HS3ST3B1: variants seen among roughly 807,000 people sequenced by gnomAD.
The protein encoded by HS3ST3B1 is heparan sulfate glucosamine 3-O-sulfotransferase 3B1.
A neutral mutation model predicts 21.3 loss-of-function variants in HS3ST3B1; 13 were observed. That is an observed-to-expected ratio of 0.61 (90% CI 0.40 to 0.97). The LOEUF is 0.97. HS3ST3B1 is among the 50% of genes least tolerant of loss of function. HS3ST3B1 has a pLI of 0.00. For missense variants in HS3ST3B1, 459 were observed against 554.8 expected, an observed-to-expected ratio of 0.83 and a Z score of 1.73; for synonymous variants, 234 against 254.8, an observed-to-expected ratio of 0.92 and a Z score of 0.78.
intron 1 of HS3ST3B1, among the ~76,000 whole-genome samples, chr17:14,334,213 C>G (rs1049291739): frequency 6.6e-6 from 1 of 151,160 alleles, no homozygotes; most frequent in Non-Finnish European, 1.5e-5. Context: ...TTTGGGGGAG[C>G]CTGAGTCGTT....
chr17:14,336,948 G>A (rs1049864992), intron 1 of HS3ST3B1, among the ~76,000 whole-genome samples: 1 of 152,086 alleles, frequency 6.6e-6, no homozygotes, highest in African/African-American at 2.4e-5. Flanking sequence ...TCTTGCTGGT[G>A]GGGACTCTGT....
At position 14,311,090 on chromosome 17, in the gene HS3ST3B1, A is replaced by ATT. The variant is rs5819468; in HGVS notation, c.554+9029_554+9030dup. Among the ~76,000 whole-genome samples the ATT allele has an allele frequency of 1.3e-3, 198 of 148,402 alleles. 1 individual carries two copies. The highest frequency in any genetic ancestry group is 2.8e-3 in the East Asian group (14 of 5,066). On this transcript the variant is annotated intron_variant, in intron 1 of 1. Coordinates refer to ENST00000360954, the MANE Select transcript of HS3ST3B1 (RefSeq NM_006041.3). Reference sequence around the variant, plus strand: ...TTACTTTTTCATTCATCTAACAAGGATTTTTTTTTTTTAAGACAGGGTCTT... The same window carrying ATT: ...TTACTTTTTCATTCATCTAACAAGGATTTTTTTTTTTTTTAAGACAGGGTCTT...
chr17:14,315,333 C>G (rs1336538266), intron 1 of HS3ST3B1, among the ~76,000 whole-genome samples: 1 of 152,238 alleles, frequency 6.6e-6, no homozygotes, highest in Non-Finnish European at 1.5e-5. Context: ...CGTGTGCCTC[C>G]TGCCATACAA....
At chr17:14,333,316 A>T (rs1910079097) in intron 1 of HS3ST3B1, among the ~76,000 whole-genome samples, 1 of 151,946 alleles carries the variant, frequency 6.6e-6, no homozygotes, top group Non-Finnish European at 1.5e-5. Flanking sequence ...CAATACAAAA[A>T]ATTAGCCGAG....
At chr17:14,313,646 C>T (rs1567637400) in intron 1 of HS3ST3B1, among the ~76,000 whole-genome samples, 1 of 152,316 alleles carries the variant, frequency 6.6e-6, no homozygotes, top group East Asian at 1.9e-4. Context: ...TCTCAGCTCA[C>T]TGCAACCTCC....
chr17:14,305,115 C>T (rs1295278871), intron 1 of HS3ST3B1: 2 of 152,258 alleles, frequency 1.3e-5, no homozygotes, highest in Non-Finnish European at 2.9e-5. Flanking sequence ...TGCCAATGGC[C>T]AGAGTGGCAG....
intron 1 of HS3ST3B1, among the ~76,000 whole-genome samples, chr17:14,332,069 C>A (rs568522893): frequency 6.6e-6 from 1 of 152,196 alleles, no homozygotes; most frequent in Non-Finnish European, 1.5e-5. Flanking sequence ...TCTGGGAAAA[C>A]TTCCTTTTCG....
In HS3ST3B1 at chr17:14,303,643, G is replaced by A. The variant is rs1909020483; in HGVS notation, c.554+1571G>A. Among the ~76,000 whole-genome samples the A allele has an allele frequency of 6.6e-6, 1 of 152,186 alleles. No individual in the cohort carries two copies. Among genetic ancestry groups the A allele is most frequent in the Non-Finnish European group, 1.5e-5 (1 of 68,038 alleles). On this transcript the variant is annotated intron_variant, in intron 1 of 1. Transcript: ENST00000360954. The surrounding 1 kb of genome is among the most constrained non-coding windows in gnomAD (Gnocchi z 5.7). ...ATAATGCAGGTTCTGGGCAGGGATG[G>A]GAAGAGTGAATGCGCTGGTACGGTA...
chr17:14,317,752 A>C (rs1360020450), intron 1 of HS3ST3B1, among the ~76,000 whole-genome samples: 1 of 152,246 alleles, frequency 6.6e-6, no homozygotes, highest in African/African-American at 2.4e-5. Flanking sequence ...CTGGAATGGC[A>C]CATTAAAGAG....
rs1909952771 is a variant in HS3ST3B1, at chr17:14,329,878, A to G, written c.555-15150A>G. ...CTCATCCAGAGCCAAATGCCAACGG[A>G]GACATAAAGAGGGGGCACAAGTGGG... On this transcript the variant is annotated intron_variant, in intron 1 of 1. Coordinates refer to ENST00000360954, the MANE Select transcript of HS3ST3B1 (RefSeq NM_006041.3). Among the ~76,000 whole-genome samples the G allele has an allele frequency of 2.0e-5, 3 of 152,218 alleles. No individual in the cohort carries two copies. The South Asian group carries it at 6.2e-4, about 31-fold the overall frequency.
chr17:14,309,310 G>C, intron 1 of HS3ST3B1, among the ~76,000 whole-genome samples: 1 of 152,232 alleles, frequency 6.6e-6, no homozygotes, highest in South Asian at 2.1e-4. Flanking sequence ...CGGGGGCAGG[G>C]CTGGCAGCCG....
intron 1 of HS3ST3B1, among the ~76,000 whole-genome samples, chr17:14,331,406 A>T (rs1308781713): frequency 6.6e-6 from 1 of 151,982 alleles, no homozygotes; most frequent in Non-Finnish European, 1.5e-5. Flanking sequence ...TGACCCAGAG[A>T]AGCGAGATGC....
intron 1 of HS3ST3B1, among the ~76,000 whole-genome samples, chr17:14,339,089 A>G (rs1910288973): frequency 6.6e-6 from 1 of 152,178 alleles, no homozygotes; most frequent in African/African-American, 2.4e-5. Context: ...TAGCCCCATC[A>G]GCCTCACAAA....
chr17:14,342,128 A>G (rs1597603886), intron 1 of HS3ST3B1, among the ~76,000 whole-genome samples: 1 of 152,084 alleles, frequency 6.6e-6, no homozygotes, highest in African/African-American at 2.4e-5. Flanking sequence ...TCAAGTTTCT[A>G]TGGTTTCCGT....
chr17:14,307,706 A>G (rs140530853), intron 1 of HS3ST3B1, among the ~76,000 whole-genome samples: 2,375 of 152,340 alleles, frequency 0.016, 26 homozygotes, highest in Middle Eastern at 0.034. Flanking sequence ...CTATGTCAGT[A>G]GTTTTTTGAA....
Position 14,301,701 on chromosome 17 carries a change from G to A in HS3ST3B1, c.183G>A (p.Leu61=). 6.2e-7 allele frequency: 1 copy of A among 1,601,312 alleles called. No individual in the cohort carries two copies. The highest frequency in any genetic ancestry group is 1.4e-5 in the African/African-American group (1 of 73,268). ...CAGSCAAAPG[L]LLLGSGSRAA... ...GCTCCTGCGCCGCCGCGCCGGGGCTGCTGCTCCTGGGCTCTGGGTCCCGCG... is the reference window on the plus strand; with the variant it reads ...GCTCCTGCGCCGCCGCGCCGGGGCTACTGCTCCTGGGCTCTGGGTCCCGCG... The change falls in exon 1 of 2, where the codon CTG becomes CTA. Residue 61 remains leucine (L), a synonymous_variant. Transcript: ENST00000360954.
chr17:14,345,481 C>T lies in HS3ST3B1; in HGVS notation c.1008C>T (p.Cys336=). ...TCAACAAGACCAAGGGCTTCCCCTG[C>T]CTGAAGAAGGCGGAGGGCAGCAGCC... The part of the protein sequence containing the change: ...FYFNKTKGFP[C]LKKAEGSSRP... Residue 336 remains cysteine, a synonymous_variant, in exon 2 of 2, where the codon TGC becomes TGT. Transcript: ENST00000360954. The T allele has an allele frequency of 6.5e-7, 1 of 1,548,436 alleles. No individual in the cohort carries two copies. The highest frequency in any genetic ancestry group is 8.9e-7 in the Non-Finnish European group (1 of 1,125,882).
At chr17:14,342,250 T>A (rs935662537) in intron 1 of HS3ST3B1, among the ~76,000 whole-genome samples, 1 of 152,194 alleles carries the variant, frequency 6.6e-6, no homozygotes, top group Non-Finnish European at 1.5e-5. Flanking sequence ...AATTCTCTTT[T>A]TTTTTTCCTT....
intron 1 of HS3ST3B1, among the ~76,000 whole-genome samples, chr17:14,310,933 A>G (rs1909286119): frequency 6.6e-6 from 1 of 152,214 alleles, no homozygotes; most frequent in Admixed American, 6.5e-5. Context: ...TGAGGTAAAG[A>G]GAGAAAGGCA....
Sources: gnomAD v4.1 joint callset for allele counts (sites outside exome capture counted in the v4.1 genomes callset) on GRCh38, gnomAD v4.1.1 for gene constraint, Gnocchi (gnomAD v3.1) non-coding constraint, MANE v1.5 for transcripts, NCBI Gene and HGNC (gene_info 2026-07-23, HGNC 2026-07-21) for gene names.